The following SKIL variants were observed in gnomAD, a reference collection of about 807,000 sequenced individuals.
The protein encoded by SKIL is ski-like protein.
A neutral mutation model predicts 69.6 loss-of-function variants in SKIL; 20 were observed. The ratio of observed to expected loss-of-function variants is 0.29; its 90% CI spans 0.20 to 0.42. The LOEUF is 0.42. Ranked by LOEUF, SKIL falls within the 10% of genes least tolerant of loss-of-function variation. The probability of loss-of-function intolerance (pLI) is 1.00; values close to 1 mark genes in which losing one functional copy is unlikely to be tolerated. For missense variants in SKIL, 745 were observed against 783.1 expected, an observed-to-expected ratio of 0.95 and a Z score of 0.58; for synonymous variants, 310 against 279.9, an observed-to-expected ratio of 1.11 and a Z score of -1.08.
In SKIL at chr3:170,360,875, CAAAT is replaced by C. The variant is rs1289355738; in HGVS notation, c.550_553del (p.Asn184GlnfsTer21). On this transcript the variant is annotated frameshift_variant, in exon 2 of 7. Coordinates refer to ENST00000259119, the MANE Select transcript of SKIL (RefSeq NM_005414.5). LOFTEE classifies it high-confidence loss of function. ...TGTTCTCCGAGAATTTACACTCCAG[CAAAT>C]AAATACAGTGTGTGATGAACTGTAC... The C allele has an allele frequency of 6.2e-7, 1 of 1,614,018 alleles. No homozygotes were observed. The highest frequency in any genetic ancestry group is 8.5e-7 in the Non-Finnish European group (1 of 1,179,994).
intron 2 of SKIL, 73 bp from the exon 3 acceptor site, chr3:170,381,171 G>C: frequency 2.4e-6 from 2 of 828,720 alleles, no homozygotes; most frequent in Middle Eastern, 2.3e-4. Context: ...CAGTGGCCCA[G>C]TCAGGTTGAC....
rs371390770 is a variant in SKIL, at chr3:170,392,340, G to A, written c.1978G>A (p.Ala660Thr). Residue 660 changes from alanine to threonine, a missense_variant, in exon 7 of 7, where the codon GCA (alanine) becomes ACA (threonine). By Grantham distance (58) the Ala-to-Thr change is moderately conservative. Transcript: ENST00000259119. ...LQDELRQERE[A>T]RQKLEMMIKE... ...AGATGAACTCAGACAGGAACGGGAA[G>A]CAAGACAGAAGTTAGAGATGATGAT... 8.1e-6 allele frequency: 13 copies of A among 1,612,870 alleles called. No individual in the cohort carries two copies. Among genetic ancestry groups the A allele is most frequent in the Middle Eastern group, 1.6e-4 (1 of 6,080 alleles).
At chr3:170,383,993 G>C (rs1478444575) in intron 3 of SKIL, among the ~76,000 whole-genome samples, 1 of 143,924 alleles carries the variant, frequency 6.9e-6, no homozygotes, top group Non-Finnish European at 1.5e-5. Flanking sequence ...AAGAGCCTGT[G>C]ATTTTCCTTC....
rs571600999 is a variant in SKIL at position 170,390,527 on chromosome 3, C to T, written c.1671+63C>T. 6.5e-6 allele frequency: 9 copies of T among 1,392,116 alleles called. No homozygotes were observed. The Admixed American group carries it at 1.7e-4, about 26-fold the overall frequency. 86.2% of individuals were successfully genotyped at this position (1,392,116 alleles called of 1,614,324 possible). ...GATACTTTTGTATATTGCTCTGTCG[C>T]CCAGGCTGGAGTGCAGTGGCGCAGT... On this transcript the variant is annotated intron_variant, in intron 5 of 6. Transcript: ENST00000259119.
chr3:170,384,570 A>C lies in SKIL; in HGVS notation c.1234A>C (p.Asn412His). The C allele has an allele frequency of 1.2e-6, 2 of 1,611,168 alleles. No individual in the cohort carries two copies. The highest frequency in any genetic ancestry group is 1.7e-6 in the Non-Finnish European group (2 of 1,178,226). The change falls in exon 4 of 7, where the codon AAT becomes CAT. Residue 412 changes from asparagine to histidine, a missense_variant. Coordinates refer to ENST00000259119, the MANE Select transcript of SKIL (RefSeq NM_005414.5). ...CATGTGTGATAAAGTGGTTGCCCCA[A>C]ATGTGTCACTTACTTCTGCTGTATC... The part of the protein sequence containing the change: ...LYMCDKVVAP[N>H]VSLTSAVSQS...
rs373113659 is a variant in SKIL at position 170,360,524 on chromosome 3, G to A, written c.193G>A (p.Asp65Asn). 6.2e-7 allele frequency: 1 copy of A among 1,614,116 alleles called. No homozygotes were observed. Among genetic ancestry groups the A allele is most frequent in the African/African-American group, 1.3e-5 (1 of 74,942 alleles). The change falls in exon 2 of 7, where the codon GAT becomes AAT. Residue 65 changes from aspartate to asparagine, a missense_variant. Physicochemically the swap from Asp to Asn is conservative, Grantham distance 23. Coordinates refer to ENST00000259119, the MANE Select transcript of SKIL (RefSeq NM_005414.5). ...DDYGEAPVET[D>N]GEHVKRTCTS... ...CTATGGAGAAGCACCAGTGGAAACTGATGGAGAGCATGTTAAGCGAACCTG... is the reference window on the plus strand; with the variant it reads ...CTATGGAGAAGCACCAGTGGAAACTAATGGAGAGCATGTTAAGCGAACCTG...
At chr3:170,386,814 G>A (rs893962215) in intron 4 of SKIL, among the ~76,000 whole-genome samples, 7 of 151,806 alleles carry the variant, frequency 4.6e-5, no homozygotes, top group African/African-American at 7.3e-5. Flanking sequence ...ATTTAAATAT[G>A]GTAAACAAAA....
intron 2 of SKIL, among the ~76,000 whole-genome samples, chr3:170,372,615 G>A (rs76751670): frequency 0.017 from 2,638 of 152,196 alleles, 55 homozygotes; most frequent in East Asian, 0.094. Flanking sequence ...GTGTACTGAG[G>A]GATTCTGTTT....
chr3:170,390,647 TG>T (rs535819524), intron 5 of SKIL, among the ~76,000 whole-genome samples, 183 bp downstream of exon 5: 285 of 152,304 alleles, frequency 1.9e-3, no homozygotes, highest in African/African-American at 6.6e-3. Context: ...CCACCATGCC[TG>T]GCTAAATTTT....
intron 5 of SKIL, 58 bp downstream of exon 5, chr3:170,390,522 T>C: frequency 7.0e-7 from 1 of 1,429,416 alleles, no homozygotes; most frequent in Non-Finnish European, 9.7e-7. Flanking sequence ...TATATTGCTC[T>C]GTCGCCCAGG....
chr3:170,381,847 C>T (rs944354822), intron 3 of SKIL, among the ~76,000 whole-genome samples: 53 of 151,794 alleles, frequency 3.5e-4, no homozygotes, highest in South Asian at 1.2e-3. Context: ...TTTGGGAGGC[C>T]GAGGTGGGTG....
chr3:170,373,407 G>A (rs1243151619), intron 2 of SKIL, among the ~76,000 whole-genome samples: 1 of 88,280 alleles, frequency 1.1e-5, no homozygotes, highest in Admixed American at 1.4e-4. Context: ...TTGAACTCCT[G>A]ACCTCAGGTG....
rs1353392420 is a variant in SKIL, at chr3:170,360,666, C to A, written c.335C>A (p.Ser112Tyr). The A allele has an allele frequency of 6.2e-7, 1 of 1,614,186 alleles. No individual in the cohort carries two copies. The highest frequency in any genetic ancestry group is 8.5e-7 in the Non-Finnish European group (1 of 1,180,026). Residue 112 changes from serine (S) to tyrosine (Y), a missense_variant, in exon 2 of 7, where the codon TCC becomes TAC. Transcript: ENST00000259119. Reference protein sequence around the residue: ...GGPAAFSARHSQESMSPTVFL... With the variant: ...GGPAAFSARHYQESMSPTVFL... ...CCAGCAGCATTTTCTGCTCGGCATT[C>A]CCAAGAAAGCATGTCGCCTACTGTA...
chr3:170,395,371 G>A lies in SKIL; in HGVS notation c.*2954G>A, dbSNP rs1204932535. On this transcript the variant is annotated 3_prime_UTR_variant, in exon 7 of 7. Coordinates refer to ENST00000259119, the MANE Select transcript of SKIL (RefSeq NM_005414.5). ...GAATTTCTGTGTTCATGAGAGTTAGGGTGTTTTATGCTTCTTGAACTAATT... is the reference window on the plus strand; with the variant it reads ...GAATTTCTGTGTTCATGAGAGTTAGAGTGTTTTATGCTTCTTGAACTAATT... 6 of 151,804 alleles carry A rather than the reference G, an allele frequency of 4.0e-5. No homozygotes were observed. The highest frequency in any genetic ancestry group is 1.5e-4 in the African/African-American group (6 of 41,332). The allele number at this position is 151,804 out of a possible 1,614,324, so 9.4% of individuals were successfully genotyped here. A position where few individuals can be genotyped will look rare whatever the true frequency, so the allele number is the denominator to read the frequency against.
intron 4 of SKIL, among the ~76,000 whole-genome samples, chr3:170,385,976 G>C (rs1292270209): frequency 3.3e-5 from 5 of 151,612 alleles, no homozygotes; most frequent in Non-Finnish European, 1.5e-5. Flanking sequence ...ATTTTTAGTA[G>C]AGACGGGTTT....
intron 2 of SKIL, among the ~76,000 whole-genome samples, chr3:170,377,134 A>T (rs1737067748): frequency 6.6e-6 from 1 of 152,208 alleles, no homozygotes; most frequent in South Asian, 2.1e-4. Flanking sequence ...ACTAAGCTAT[A>T]GGCTGAGGAA....
intron 2 of SKIL, among the ~76,000 whole-genome samples, chr3:170,379,240 A>G (rs1577431496): frequency 1.3e-5 from 2 of 152,062 alleles, no homozygotes; most frequent in African/African-American, 4.8e-5. Context: ...GGCCTCCCAA[A>G]ATGCTAGGAT....
intron 6 of SKIL, 66 bp downstream of exon 6, chr3:170,391,326 T>A: frequency 1.3e-6 from 1 of 741,292 alleles, no homozygotes; most frequent in Non-Finnish European, 2.1e-6. Context: ...ACTTCTCTCT[T>A]TTTTTTTTTT....
chr3:170,360,397 AGAT>A lies in SKIL; in HGVS notation c.71_73del (p.Asp24del). On this transcript the variant is annotated inframe_deletion, in exon 2 of 7. Transcript: ENST00000259119. ...CAACTAAAAAACTGAATGGGATGGG[AGAT>A]GATGGCAGCCCCCCAGCGAAAAAAA... The A allele has an allele frequency of 6.2e-7, 1 of 1,609,770 alleles. No homozygotes were observed. The highest frequency in any genetic ancestry group is 8.5e-7 in the Non-Finnish European group (1 of 1,177,698).
Sources: allele counts gnomAD v4.1 joint callset (sites outside exome capture counted in the v4.1 genomes callset), GRCh38; gene constraint gnomAD v4.1.1; transcripts MANE v1.5; gene names NCBI Gene and HGNC (gene_info 2026-07-23, HGNC 2026-07-21).